The following GABRR1 variants were observed in gnomAD, a reference collection of about 807,000 sequenced individuals.
GABRR1 encodes the protein gamma-aminobutyric acid receptor subunit rho-1.
GABRR1 carries 59 observed loss-of-function variants against 55.5 expected under a neutral mutation model. The observed-to-expected ratio is 1.06, with a 90% CI of 0.86 to 1.32. GABRR1 has a LOEUF of 1.32. Ranked by LOEUF, GABRR1 falls within the 40% of genes most tolerant of loss-of-function variation. The pLI, the probability that GABRR1 is intolerant of heterozygous loss-of-function variation, is 0.00. For missense variants in GABRR1, 602 were observed against 619.1 expected (o/e 0.97, Z 0.29); for synonymous variants, 213 against 226.0 (o/e 0.94, Z 0.51).
At position 89,207,220 on chromosome 6, in the gene GABRR1, G is replaced by C. The variant is rs1032910974; in HGVS notation, c.123-3735C>G. 2.0e-5 allele frequency among the ~76,000 whole-genome samples: 3 copies of C among 151,608 alleles called. No homozygotes were observed. In the South Asian group the frequency reaches 6.2e-4, roughly 32 times the overall value. The stretch of plus-strand genomic sequence containing the variant: ...AATGTTAATTTTTTTTTGAAGACAG[G>C]GTCTCACTCTGTTGTCCAGGCTACA... On this transcript the variant is annotated intron_variant, in intron 1 of 9. Coordinates refer to ENST00000454853, the MANE Select transcript of GABRR1 (RefSeq NM_002042.5).
At chr6:89,203,390 G>A (rs2127801367) in intron 2 of GABRR1, 45 bp downstream of exon 2, 7 of 1,554,880 alleles carry the variant, frequency 4.5e-6, no homozygotes, top group Non-Finnish European at 6.2e-6. Context: ...TGAGGTTCAC[G>A]GAGGAAACAT....
intron 7 of GABRR1, among the ~76,000 whole-genome samples, chr6:89,182,737 C>T (rs1456734797): frequency 2.0e-5 from 3 of 151,936 alleles, no homozygotes; most frequent in Non-Finnish European, 2.9e-5. Context: ...CTCAGCTGGG[C>T]GCGGTGGCTC....
intron 2 of GABRR1, 131 bp from the exon 3 acceptor site, chr6:89,201,396 C>T: frequency 1.6e-6 from 1 of 626,684 alleles, no homozygotes; most frequent in Non-Finnish European, 2.9e-6. Flanking sequence ...ATTGGACATC[C>T]CCTCTTTCTT....
chr6:89,202,817 G>T (rs531039171), intron 2 of GABRR1, among the ~76,000 whole-genome samples: 2 of 152,096 alleles, frequency 1.3e-5, no homozygotes, highest in East Asian at 3.9e-4. Context: ...GGATTCAAGT[G>T]ATCCTCCCAT....
chr6:89,217,308 T>C lies in GABRR1; in HGVS notation c.15A>G (p.Pro5=). 6.2e-7 allele frequency: 1 copy of C among 1,614,152 alleles called. No homozygotes were observed. The highest frequency in any genetic ancestry group is 1.7e-5 in the Admixed American group (1 of 60,020). The change falls in exon 1 of 10, where the codon CCA becomes CCG. Residue 5 remains proline (P), a synonymous_variant. Coordinates refer to ENST00000454853, the MANE Select transcript of GABRR1 (RefSeq NM_002042.5). The part of the protein sequence containing the change: MLAV[P]NMRFGIFLLW... ...AAAGAAAGATGCCAAATCTCATATT[T>C]GGGACAGCCAACATGGGTTTCCAAA... is the stretch of plus-strand genomic sequence containing the variant.
At chr6:89,192,851 T>C (rs533665725) in intron 5 of GABRR1, among the ~76,000 whole-genome samples, 1 of 152,196 alleles carries the variant, frequency 6.6e-6, no homozygotes, top group Non-Finnish European at 1.5e-5. Flanking sequence ...TGAGCCACCA[T>C]GCCCGGCCTC....
intron 1 of GABRR1, among the ~76,000 whole-genome samples, chr6:89,210,279 G>A (rs750938442): frequency 2.9e-5 from 4 of 135,742 alleles, no homozygotes; most frequent in East Asian, 2.2e-4. Flanking sequence ...CTGCAGCCTC[G>A]ACCTCCCAGG....
upstream of GABRR1, among the ~76,000 whole-genome samples, chr6:89,218,069 G>C (rs576292045): frequency 6.6e-6 from 1 of 152,068 alleles, no homozygotes; most frequent in Non-Finnish European, 1.5e-5. Context: ...TTTTTCTTTT[G>C]CTTTGATGCT....
chr6:89,182,730 A>G (rs389702), intron 7 of GABRR1, among the ~76,000 whole-genome samples: 100,272 of 151,674 alleles, frequency 0.66, 33,531 homozygotes, highest in Middle Eastern at 0.73. Flanking sequence ...CAATATTCTC[A>G]GCTGGGCGCG....
intron 9 of GABRR1, 129 bp from the exon 10 acceptor site, chr6:89,179,192 C>A: frequency 3.2e-6 from 3 of 948,266 alleles, no homozygotes; most frequent in South Asian, 3.5e-5. Context: ...GGGTAGGTAT[C>A]CTGTTTTGTT....
rs564276952 is a variant in GABRR1, at chr6:89,177,876, A to C, written c.*894T>G. 6.6e-6 allele frequency: 1 copy of C among 152,336 alleles called. No homozygotes were observed. The highest frequency in any genetic ancestry group is 2.1e-4 in the South Asian group (1 of 4,828). The allele number at this position is 152,336 out of a possible 1,614,324, so 9.4% of individuals were successfully genotyped here. On this transcript the variant is annotated 3_prime_UTR_variant, in exon 10 of 10. Coordinates refer to ENST00000454853, the MANE Select transcript of GABRR1 (RefSeq NM_002042.5). Reference sequence around the variant, plus strand: ...TCTAATGAGTTACAAGTAGTCCCAAATTATGTATTTCCTTGAAGTGTTTAT... The same window carrying C: ...TCTAATGAGTTACAAGTAGTCCCAACTTATGTATTTCCTTGAAGTGTTTAT...
intron 6 of GABRR1, among the ~76,000 whole-genome samples, chr6:89,186,489 C>T (rs1430917529): frequency 6.6e-6 from 1 of 152,242 alleles, no homozygotes; most frequent in Non-Finnish European, 1.5e-5. Context: ...ATGGCCCGCC[C>T]TGCAGATGTG....
chr6:89,197,005 G>T (rs1024785215), intron 5 of GABRR1, among the ~76,000 whole-genome samples: 1 of 152,102 alleles, frequency 6.6e-6, no homozygotes, highest in African/African-American at 2.4e-5. Context: ...TACTTCTTAC[G>T]GGAGGAAGCA....
intron 1 of GABRR1, 99 bp downstream of exon 1, chr6:89,217,102 C>T (rs1275989058): frequency 7.4e-7 from 1 of 1,354,874 alleles, no homozygotes; most frequent in African/African-American, 1.5e-5. Context: ...ACACAAAACA[C>T]CATACGCTGG....
chr6:89,223,844 AC>A (rs1453422662), intron 1 of GABRR1, among the ~76,000 whole-genome samples: 1 of 148,858 alleles, frequency 6.7e-6, no homozygotes, highest in African/African-American at 2.5e-5. Flanking sequence ...GCTCACTGCA[AC>A]CTCTGCCTCC....
intron 2 of GABRR1, 107 bp from the exon 3 acceptor site, chr6:89,201,372 T>G: frequency 1.4e-6 from 1 of 723,044 alleles, no homozygotes; most frequent in Non-Finnish European, 2.4e-6. Context: ...GTGTGCTATT[T>G]CTTCTTTTAA....
intron 7 of GABRR1, among the ~76,000 whole-genome samples, chr6:89,184,418 G>A (rs749562379): frequency 2.7e-5 from 2 of 75,032 alleles, no homozygotes; most frequent in Non-Finnish European, 6.6e-5. Context: ...GCATGCCCCC[G>A]CAGGCAACAG....
At chr6:89,203,262 AC>A (rs1325388810) in intron 2 of GABRR1, among the ~76,000 whole-genome samples, 172 bp downstream of exon 2, 1 of 151,452 alleles carries the variant, frequency 6.6e-6, no homozygotes. Flanking sequence ...TCCAGGAGCC[AC>A]CCCGCCACCC....
Position 89,198,045 on chromosome 6 carries a change from C to A in GABRR1, c.547G>T (p.Asp183Tyr), listed in dbSNP as rs1166122916. ...CTGAGACTATAGAGCACTTTCCCAT[C>A]AGGCTGGACCCGCAACATGACGTTG... The part of the protein sequence containing the change: ...TDNVMLRVQP[D>Y]GKVLYSLRVT... Residue 183 changes from aspartate to tyrosine, a missense_variant, in exon 5 of 10, where the codon GAT (aspartate) becomes TAT (tyrosine). By Grantham distance (160) the Asp-to-Tyr change is radical (BLOSUM62 -3). Coordinates refer to ENST00000454853, the MANE Select transcript of GABRR1 (RefSeq NM_002042.5). 6.2e-7 allele frequency: 1 copy of A among 1,614,000 alleles called. No homozygotes were observed. The highest frequency in any genetic ancestry group is 2.2e-5 in the East Asian group (1 of 44,880).
Sources: gnomAD v4.1 joint callset for allele counts (sites outside exome capture counted in the v4.1 genomes callset) on GRCh38, gnomAD v4.1.1 for gene constraint, MANE v1.5 for transcripts, NCBI Gene and HGNC (gene_info 2026-07-23, HGNC 2026-07-21) for gene names.